MDGA2: variants seen among roughly 807,000 people sequenced by gnomAD.
MDGA2 encodes MAM domain-containing glycosylphosphatidylinositol anchor protein 2.
A neutral mutation model predicts 117.8 loss-of-function variants in MDGA2; 40 were observed. That is an observed-to-expected ratio of 0.34 (90% CI 0.26 to 0.44). The LOEUF (loss-of-function observed/expected upper bound fraction) is 0.44. Among genes scored for constraint, MDGA2 ranks in the 20% least tolerant of loss-of-function variants. MDGA2 has a pLI of 1.00. For synonymous variants in MDGA2, 452 were observed against 439.0 expected, an observed-to-expected ratio of 1.03 and a Z score of -0.37; for missense variants, 1,123 against 1,250.6, an observed-to-expected ratio of 0.90 and a Z score of 1.54.
At chr14:47,645,839 G>A (rs555138461) in intron 1 of MDGA2, among the ~76,000 whole-genome samples, 6 of 151,798 alleles carry the variant, frequency 4.0e-5, no homozygotes, top group African/African-American at 1.2e-4. Flanking sequence ...CTGGGAAGCC[G>A]AGGCGGGTGG....
intron 1 of MDGA2, among the ~76,000 whole-genome samples, chr14:47,424,554 C>T (rs1051774347): frequency 6.6e-6 from 1 of 152,172 alleles, no homozygotes; most frequent in Non-Finnish European, 1.5e-5. Flanking sequence ...ATTAGAAGTG[C>T]ATCATTCCTT....
intron 1 of MDGA2, among the ~76,000 whole-genome samples, chr14:47,336,346 A>C (rs375981060): frequency 1.1e-4 from 16 of 152,018 alleles, no homozygotes; most frequent in African/African-American, 3.9e-4. Flanking sequence ...TAGCCCCAGC[A>C]AGTACCCAGC....
chr14:47,505,638 A>C (rs954760252), intron 1 of MDGA2, among the ~76,000 whole-genome samples: 5 of 152,142 alleles, frequency 3.3e-5, no homozygotes, highest in Non-Finnish European at 5.9e-5. Flanking sequence ...TTATTTGCAA[A>C]ATGTGTCCTA....
chr14:46,944,569 A>G (rs764417108), intron 9 of MDGA2, among the ~76,000 whole-genome samples: 3 of 151,916 alleles, frequency 2.0e-5, no homozygotes, highest in Non-Finnish European at 4.4e-5. Context: ...CTTCAAGTGC[A>G]CCTGTTTTCA....
At chr14:46,949,117 T>A (rs756231598) in intron 9 of MDGA2, among the ~76,000 whole-genome samples, 1 of 152,056 alleles carries the variant, frequency 6.6e-6, no homozygotes, top group Non-Finnish European at 1.5e-5. Flanking sequence ...GGAAGCAGAT[T>A]TATCATCTCC....
intron 1 of MDGA2, among the ~76,000 whole-genome samples, chr14:47,617,209 C>CTTT (rs1249374796): frequency 6.9e-6 from 1 of 144,282 alleles, no homozygotes; most frequent in African/African-American, 2.5e-5. Flanking sequence ...TTGTATTAGT[C>CTTT]TTTTTTTTTT....
intron 8 of MDGA2, among the ~76,000 whole-genome samples, chr14:46,965,573 C>A (rs1885994586): frequency 6.6e-6 from 1 of 152,104 alleles, no homozygotes; most frequent in South Asian, 2.1e-4. Context: ...TAATATTAAA[C>A]CAAGCGCACT....
intron 1 of MDGA2, among the ~76,000 whole-genome samples, chr14:47,615,285 A>C (rs1470907949): frequency 6.6e-6 from 1 of 152,224 alleles, no homozygotes. Flanking sequence ...CCACCAAAAT[A>C]GTGATTTTAA....
rs540331652 is a variant in MDGA2 at position 47,560,867 on chromosome 14, T to C, written c.280+113650A>G. Among the ~76,000 whole-genome samples, 12 of 152,274 alleles carry C rather than the reference T, an allele frequency of 7.9e-5. No homozygotes were observed. In the East Asian group the frequency reaches 2.3e-3, roughly 29 times the overall value. ...GTTAGTACATCTTGAATTGATTTTT[T>C]ATATATGGGGTAAGGAAGGGGTTCA... On this transcript the variant is annotated intron_variant, in intron 1 of 16. Transcript: ENST00000399232.
At chr14:47,070,405 G>A (rs1347060942) in intron 6 of MDGA2, among the ~76,000 whole-genome samples, 1 of 152,124 alleles carries the variant, frequency 6.6e-6, no homozygotes, top group Non-Finnish European at 1.5e-5. Context: ...TCTTTCTCAA[G>A]TATGTGGGAG....
rs996315250 is a variant in MDGA2 at position 47,312,414 on chromosome 14, G to T, written c.281-10864C>A. ...ATAGAGCAAGACCCTACTTTCAGTGGTAAAGAGAATATACTTCATTCTCCT... is the reference window on the plus strand; with the variant it reads ...ATAGAGCAAGACCCTACTTTCAGTGTTAAAGAGAATATACTTCATTCTCCT... On this transcript the variant is annotated intron_variant, in intron 1 of 16. Coordinates refer to ENST00000399232, the MANE Select transcript of MDGA2 (RefSeq NM_001113498.3). Among the ~76,000 whole-genome samples the T allele has an allele frequency of 1.3e-5, 2 of 152,100 alleles. 1 individual carries two copies. The highest frequency in any genetic ancestry group is 3.9e-4 in the East Asian group (2 of 5,182).
intron 6 of MDGA2, among the ~76,000 whole-genome samples, chr14:47,090,473 A>G (rs183599371): frequency 6.6e-6 from 1 of 152,168 alleles, no homozygotes; most frequent in African/African-American, 2.4e-5. Flanking sequence ...TGCAGAGGCC[A>G]TGGGTTCAAA....
rs1424495516 is a variant in MDGA2, at chr14:47,301,826, A to T, written c.281-276T>A. On this transcript the variant is annotated intron_variant, in intron 1 of 16. Transcript: ENST00000399232. ...ATACAAGACCACAAGATAAAATTTG[A>T]TTGTTAAAATGTGAGAAGGTCCCTT... Among the ~76,000 whole-genome samples the T allele has an allele frequency of 2.0e-5, 3 of 152,332 alleles. No homozygotes were observed. The East Asian group carries it at 5.8e-4, about 29-fold the overall frequency.
chr14:46,910,841 C>T (rs555356077), intron 10 of MDGA2, among the ~76,000 whole-genome samples: 131 of 152,172 alleles, frequency 8.6e-4, no homozygotes, highest in Non-Finnish European at 1.5e-3. Flanking sequence ...ATATCCTTTG[C>T]GGGGACACGG....
intron 3 of MDGA2, among the ~76,000 whole-genome samples, chr14:47,148,044 C>T (rs116241099): frequency 0.028 from 4,261 of 152,182 alleles, 175 homozygotes; most frequent in African/African-American, 0.097. Context: ...ATCAAACATA[C>T]TGTTTCCTGC....
chr14:47,104,847 A>G (rs997697611), intron 5 of MDGA2, among the ~76,000 whole-genome samples: 1 of 151,144 alleles, frequency 6.6e-6, no homozygotes, highest in Admixed American at 6.6e-5. Context: ...GCCTCTTTTT[A>G]CTCTCTTCTC....
intron 1 of MDGA2, among the ~76,000 whole-genome samples, chr14:47,617,729 G>A (rs1199105951): frequency 2.0e-5 from 3 of 151,942 alleles, no homozygotes; most frequent in Admixed American, 6.6e-5. Context: ...TTTTTCCTTA[G>A]GTTACATGCA....
At chr14:47,234,842 C>T (rs1886807705) in intron 2 of MDGA2, among the ~76,000 whole-genome samples, 1 of 152,102 alleles carries the variant, frequency 6.6e-6, no homozygotes, top group Non-Finnish European at 1.5e-5. Flanking sequence ...TTTTATCCTT[C>T]CCTAATATTC....
chr14:47,215,448 A>C (rs956018848), intron 3 of MDGA2, among the ~76,000 whole-genome samples: 5 of 152,108 alleles, frequency 3.3e-5, no homozygotes, highest in Admixed American at 2.6e-4. Flanking sequence ...ATAGAAACTC[A>C]GGTAGAGAAA....
Sources: gnomAD v4.1 joint callset for allele counts (sites outside exome capture counted in the v4.1 genomes callset) on GRCh38, gnomAD v4.1.1 for gene constraint, MANE v1.5 for transcripts, NCBI Gene and HGNC (gene_info 2026-07-23, HGNC 2026-07-21) for gene names.